The following HOXA6 variants were observed in gnomAD, a reference collection of about 807,000 sequenced individuals.
HOXA6 encodes homeobox protein Hox-A6.
HOXA6 carries 19 observed loss-of-function variants against 23.2 expected under a neutral mutation model. That is an observed-to-expected ratio of 0.82 (90% CI 0.57 to 1.20). The LOEUF (loss-of-function observed/expected upper bound fraction) is 1.20, where lower values mean the gene tolerates loss of function less well. Ranked by LOEUF, HOXA6 falls within the 50% of genes most tolerant of loss-of-function variation. The probability of loss-of-function intolerance (pLI) is 0.00; values close to 1 mark genes in which losing one functional copy is unlikely to be tolerated. For synonymous variants in HOXA6, 140 were observed against 132.6 expected (o/e 1.06, Z -0.38); for missense variants, 346 against 313.6 (o/e 1.10, Z -0.78).
intron 1 of HOXA6, 155 bp downstream of exon 1, chr7:27,147,153 T>G (rs1415492764): frequency 1.3e-6 from 1 of 781,736 alleles, no homozygotes; most frequent in Non-Finnish European, 2.0e-6. Flanking sequence ...CATTGGGAAC[T>G]GATTTTTTCT....
intron 1 of HOXA6, among the ~76,000 whole-genome samples, chr7:27,146,558 A>G (rs1002785511): frequency 6.6e-6 from 1 of 152,278 alleles, no homozygotes; most frequent in African/African-American, 2.4e-5. Context: ...AGTCTTTGGG[A>G]TTCCCTGTGG....
At chr7:27,146,684 G>C (rs1782779140) in intron 1 of HOXA6, among the ~76,000 whole-genome samples, 1 of 152,114 alleles carries the variant, frequency 6.6e-6, no homozygotes. Flanking sequence ...GGGTGGTGGG[G>C]GGTCCCTCCA....
chr7:27,145,778 G>A lies in HOXA6; in HGVS notation c.582C>T (p.Leu194=), dbSNP rs776861717. The change falls in exon 2 of 2, where the codon CTC becomes CTT. Residue 194 remains leucine (L), a synonymous_variant. Transcript: ENST00000222728. ...RRIEIANALC[L]TERQIKIWFQ... ...ACCAGATCTTGATCTGGCGCTCGGT[G>A]AGGCAGAGCGCGTTGGCGATCTCGA... The A allele has an allele frequency of 1.4e-5, 22 of 1,614,134 alleles. No individual in the cohort carries two copies. Among genetic ancestry groups the A allele is most frequent in the Admixed American group, 1.0e-4 (6 of 60,012 alleles).
Position 27,147,361 on chromosome 7 carries a change from C to G in HOXA6, c.389G>C (p.Arg130Pro). Residue 130 changes from arginine to proline, a missense_variant, in exon 1 of 2, where the codon CGG (arginine) becomes CCG (proline). Coordinates refer to ENST00000222728, the MANE Select transcript of HOXA6 (RefSeq NM_024014.4). ...AGGGTAAACCGGGCTCGTGTACTTC[C>G]GGTCGGCGCCTTCGTCATGGAGTGC... ...GKALHDEGAD[R>P]KYTSPVYPWM... is the part of the protein sequence containing the mutation. 2 of 1,614,198 alleles carry G rather than the reference C, an allele frequency of 1.2e-6. No individual in the cohort carries two copies. Among genetic ancestry groups the G allele is most frequent in the Middle Eastern group, 1.6e-4 (1 of 6,062 alleles).
chr7:27,147,189 T>G, intron 1 of HOXA6, 119 bp downstream of exon 1: 2 of 1,038,720 alleles, frequency 1.9e-6, no homozygotes, highest in Non-Finnish European at 2.7e-6. Flanking sequence ...CAAAGAAACT[T>G]TGCTGGTTCT....
chr7:27,147,606 C>T lies in HOXA6; in HGVS notation c.144G>A (p.Pro48=), dbSNP rs760180498. The change falls in exon 1 of 2, where the codon CCG becomes CCA. Residue 48 remains proline (P), a synonymous_variant. Transcript: ENST00000222728. Reference sequence around the variant, plus strand: ...AACAAGGTGAGGTGTACGTCTTGTCCGGGAGACTCGACGCCCCGTACGAGG... The same window carrying T: ...AACAAGGTGAGGTGTACGTCTTGTCTGGGAGACTCGACGCCCCGTACGAGG... ...FPASYGASSL[P]DKTYTSPCFY... 2.5e-6 allele frequency: 4 copies of T among 1,614,184 alleles called. No individual in the cohort carries two copies. Among genetic ancestry groups the T allele is most frequent in the Non-Finnish European group, 3.4e-6 (4 of 1,180,038 alleles).
intron 1 of HOXA6, 98 bp from the exon 2 acceptor site, chr7:27,146,015 AC>A: frequency 7.4e-7 from 1 of 1,348,020 alleles, no homozygotes; most frequent in Non-Finnish European, 9.9e-7. Flanking sequence ...ACTAGAAACC[AC>A]CCCGCCTCCA....
intron 1 of HOXA6, among the ~76,000 whole-genome samples, chr7:27,146,251 TTGTG>T (rs10685970): frequency 7.4e-5 from 11 of 149,080 alleles, no homozygotes; most frequent in South Asian, 4.3e-4. Flanking sequence ...GTGTGTGTGT[TTGTG>T]TGTGTGTGTG....
At position 27,145,486 on chromosome 7, in the gene HOXA6, TG is replaced by T. The variant is rs1782725255; in HGVS notation, c.*171del. On this transcript the variant is annotated 3_prime_UTR_variant, in exon 2 of 2. Coordinates refer to ENST00000222728, the MANE Select transcript of HOXA6 (RefSeq NM_024014.4). ...TGTTTTGTTTTGTTTTGTTTTGTTT[TG>T]TTTTGTTTTGTAAGAAATAAATGCA... 1.4e-5 allele frequency: 11 copies of T among 773,222 alleles called. No homozygotes were observed. Among genetic ancestry groups the T allele is most frequent in the African/African-American group, 4.6e-5 (2 of 43,622 alleles). 47.9% of individuals were successfully genotyped at this position (773,222 alleles called of 1,614,324 possible). A position where few individuals can be genotyped will look rare whatever the true frequency, so the allele number is the denominator to read the frequency against.
rs774940325 is a variant in HOXA6, at chr7:27,145,652, A to C, written c.*6T>G. 6.8e-6 allele frequency: 11 copies of C among 1,611,846 alleles called. No individual in the cohort carries two copies. Among genetic ancestry groups the C allele is most frequent in the African/African-American group, 1.3e-5 (1 of 74,892 alleles). ...TGCAGCGCTGGCCTGGTCCCTGCCC[A>C]GGCATCTACTCGCCCGCCTTTGCCT... On this transcript the variant is annotated 3_prime_UTR_variant, in exon 2 of 2. Transcript: ENST00000222728.
chr7:27,145,755 C>G lies in HOXA6; in HGVS notation c.605G>C (p.Trp202Ser), dbSNP rs1418557747. 6.2e-7 allele frequency: 1 copy of G among 1,614,256 alleles called. No individual in the cohort carries two copies. The highest frequency in any genetic ancestry group is 8.5e-7 in the Non-Finnish European group (1 of 1,180,046). The change falls in exon 2 of 2, where the codon TGG becomes TCG. Residue 202 changes from tryptophan to serine, a missense_variant. Transcript: ENST00000222728. ...LCLTERQIKI[W>S]FQNRRMKWKK... ...CCACTTCATGCGGCGGTTCTGGAAC[C>G]AGATCTTGATCTGGCGCTCGGTGAG... is the stretch of plus-strand genomic sequence containing the variant.
In HOXA6 at chr7:27,145,616, C is replaced by T. The variant is rs1782729818; in HGVS notation, c.*42G>A. 1.3e-6 allele frequency: 2 copies of T among 1,587,032 alleles called. No individual in the cohort carries two copies. The highest frequency in any genetic ancestry group is 1.7e-5 in the Admixed American group (1 of 58,720). On this transcript the variant is annotated 3_prime_UTR_variant, in exon 2 of 2. Coordinates refer to ENST00000222728, the MANE Select transcript of HOXA6 (RefSeq NM_024014.4). Reference sequence around the variant, plus strand: ...AACAGGCGAGGGCAAGGGGGCAAAGCCGAAGGAGGTTGCAGCGCTGGCCTG... The same window carrying T: ...AACAGGCGAGGGCAAGGGGGCAAAGTCGAAGGAGGTTGCAGCGCTGGCCTG...
In HOXA6 at chr7:27,145,480, TTGTTTTGTTTTGTTTTG is replaced by T. The variant is rs1782724886; in HGVS notation, c.*161_*177del. On this transcript the variant is annotated 3_prime_UTR_variant, in exon 2 of 2. Coordinates refer to ENST00000222728, the MANE Select transcript of HOXA6 (RefSeq NM_024014.4). ...TTGTTTTGTTTTGTTTTGTTTTGTT[TTGTTTTGTTTTGTTTTG>T]TAAGAAATAAATGCACAGACGCTTG... 1 of 766,824 alleles carries T rather than the reference TTGTTTTGTTTTGTTTTG, an allele frequency of 1.3e-6. No individual in the cohort carries two copies. Among genetic ancestry groups the T allele is most frequent in the Non-Finnish European group, 2.1e-6 (1 of 480,588 alleles). 47.5% of individuals were successfully genotyped at this position (766,824 alleles called of 1,614,324 possible).
At position 27,147,334 on chromosome 7, in the gene HOXA6, C is replaced by G. The variant is rs1782804076; in HGVS notation, c.416G>C (p.Trp139Ser). Residue 139 changes from tryptophan to serine, a missense_variant, in exon 1 of 2, where the codon TGG (tryptophan) becomes TCG (serine). By Grantham distance (177) the Trp-to-Ser change is radical. Transcript: ENST00000222728. ...DRKYTSPVYP[W>S]MQRMNSCAGA... The stretch of plus-strand genomic sequence containing the variant: ...CGCGCAGGAGTTCATCCGCTGCATC[C>G]AAGGGTAAACCGGGCTCGTGTACTT... 6.2e-7 allele frequency: 1 copy of G among 1,614,000 alleles called. No individual in the cohort carries two copies. The highest frequency in any genetic ancestry group is 1.1e-5 in the South Asian group (1 of 91,084).
In HOXA6 at chr7:27,147,362, G is replaced by T. The variant is rs911817057; in HGVS notation, c.388C>A (p.Arg130=). The T allele has an allele frequency of 3.1e-6, 5 of 1,614,126 alleles. No individual in the cohort carries two copies. Among genetic ancestry groups the T allele is most frequent in the Non-Finnish European group, 4.2e-6 (5 of 1,180,022 alleles). ...GKALHDEGAD[R]KYTSPVYPWM... ...GGGTAAACCGGGCTCGTGTACTTCCGGTCGGCGCCTTCGTCATGGAGTGCT... is the reference window on the plus strand; with the variant it reads ...GGGTAAACCGGGCTCGTGTACTTCCTGTCGGCGCCTTCGTCATGGAGTGCT... The change falls in exon 1 of 2, where the codon CGG becomes AGG. Residue 130 remains arginine, a synonymous_variant. Coordinates refer to ENST00000222728, the MANE Select transcript of HOXA6 (RefSeq NM_024014.4).
In HOXA6 at chr7:27,145,625, G is replaced by T. The variant is rs1328213122; in HGVS notation, c.*33C>A. 5 of 1,596,940 alleles carry T rather than the reference G, an allele frequency of 3.1e-6. No individual in the cohort carries two copies. The highest frequency in any genetic ancestry group is 1.7e-5 in the Admixed American group (1 of 59,246). ...GGGCAAGGGGGCAAAGCCGAAGGAG[G>T]TTGCAGCGCTGGCCTGGTCCCTGCC... On this transcript the variant is annotated 3_prime_UTR_variant, in exon 2 of 2. Coordinates refer to ENST00000222728, the MANE Select transcript of HOXA6 (RefSeq NM_024014.4).
At chr7:27,145,985 C>G in intron 1 of HOXA6, 68 bp from the exon 2 acceptor site, 1 of 1,540,928 alleles carries the variant, frequency 6.5e-7, no homozygotes, top group Non-Finnish European at 8.7e-7. Flanking sequence ...AGCCCAGTGC[C>G]TCCCACAAGA....
Position 27,147,404 on chromosome 7 carries a change from T to C in HOXA6, c.346A>G (p.Ser116Gly). The change falls in exon 1 of 2, where the codon AGC becomes GGC. Residue 116 changes from serine (S) to glycine (G), a missense_variant. Coordinates refer to ENST00000222728, the MANE Select transcript of HOXA6 (RefSeq NM_024014.4). Reference protein sequence around the residue: ...SPEQQYKPDSSSGQGKALHDE... With the variant: ...SPEQQYKPDSGSGQGKALHDE... ...TGGAGTGCTTTGCCCTGCCCGCTGCTGCTGTCGGGTTTGTACTGCTGCTCG... is the reference window on the plus strand; with the variant it reads ...TGGAGTGCTTTGCCCTGCCCGCTGCCGCTGTCGGGTTTGTACTGCTGCTCG... 2 of 1,614,238 alleles carry C rather than the reference T, an allele frequency of 1.2e-6. No individual in the cohort carries two copies. Among genetic ancestry groups the C allele is most frequent in the Non-Finnish European group, 1.7e-6 (2 of 1,180,040 alleles).
chr7:27,146,253 G>GTT (rs1422952112), intron 1 of HOXA6, among the ~76,000 whole-genome samples: 1 of 83,492 alleles, frequency 1.2e-5, no homozygotes, highest in Non-Finnish European at 2.6e-5. Context: ...GTGTGTGTTT[G>GTT]TGTGTGTGTG....
Sources: allele counts gnomAD v4.1 joint callset (sites outside exome capture counted in the v4.1 genomes callset), GRCh38; gene constraint gnomAD v4.1.1; transcripts MANE v1.5; gene names NCBI Gene and HGNC (gene_info 2026-07-23, HGNC 2026-07-21).